The following ADH4 variants were observed in gnomAD, a reference collection of about 807,000 sequenced individuals.
ADH4 encodes the protein alcohol dehydrogenase 4 (class II), pi polypeptide.
ADH4 carries 31 observed loss-of-function variants against 35.2 expected under a neutral mutation model. The ratio of observed to expected loss-of-function variants is 0.88; its 90% confidence interval spans 0.66 to 1.19. ADH4 has a LOEUF of 1.19. Among genes scored for constraint, ADH4 ranks in the 50% most tolerant of loss-of-function variants. The pLI, the probability that ADH4 is intolerant of heterozygous loss-of-function variation, is 0.00. For missense variants in ADH4, 476 were observed against 458.3 expected (o/e 1.04, Z -0.35); for synonymous variants, 171 against 160.2 (o/e 1.07, Z -0.51).
At position 99,141,603 on chromosome 4, in the gene ADH4, A is replaced by G. The variant is rs572462879; in HGVS notation, c.200T>C (p.Val67Ala). ...CACAATACCTGCAGCCTCATGGCCA[A>G]CGATCACTGGGAAAGCTAGGCCCTC... is the stretch of plus-strand genomic sequence containing the variant. ...KFEGLAFPVI[V>A]GHEAAGIVES... The change falls in exon 3 of 9, where the codon GTT becomes GCT. Residue 67 changes from valine (V) to alanine (A), a missense_variant. Transcript: ENST00000265512. 26 of 1,614,164 alleles carry G rather than the reference A, an allele frequency of 1.6e-5. No homozygotes were observed. The highest frequency in any genetic ancestry group is 2.7e-5 in the African/African-American group (2 of 75,048).
At chr4:99,144,112 G>A (rs1729726035) in intron 1 of ADH4, 93 bp downstream of exon 1, 1 of 1,424,744 alleles carries the variant, frequency 7.0e-7, no homozygotes. Flanking sequence ...GTAAGTCACT[G>A]CTTCCTGAGT....
rs369669809 is a variant in ADH4, at chr4:99,126,581, A to G, written c.1118+13T>C. ...CGTTTTTTAAATCATTCAGTCATCT[A>G]TTAGTAATGTACCTTTTTCCTTGGT... On this transcript the variant is annotated intron_variant, in intron 8 of 8. Coordinates refer to ENST00000265512, the MANE Select transcript of ADH4 (RefSeq NM_000670.5). 115 of 1,584,988 alleles carry G rather than the reference A, an allele frequency of 7.3e-5. 1 individual carries two copies. The highest frequency in any genetic ancestry group is 8.2e-5 in the Non-Finnish European group (95 of 1,159,334).
chr4:99,133,108 C>T (rs1219693753), intron 5 of ADH4, among the ~76,000 whole-genome samples: 1 of 152,064 alleles, frequency 6.6e-6, no homozygotes, highest in Non-Finnish European at 1.5e-5. Flanking sequence ...GCATTTTTCC[C>T]ATTGCAGCAA....
Position 99,126,656 on chromosome 4 carries a change from C to T in ADH4, c.1056G>A (p.Val352=). 6.2e-7 allele frequency: 1 copy of T among 1,612,228 alleles called. No individual in the cohort carries two copies. The highest frequency in any genetic ancestry group is 1.3e-5 in the African/African-American group (1 of 75,020). ...KNKKFNLDAL[V]THTLPFDKIS... ...TTTTGTCAAAAGGCAGGGTATGGGT[C>T]ACCAGTGCATCCAGATTGAATTTCT... is the stretch of plus-strand genomic sequence containing the variant. Residue 352 remains valine (V), a synonymous_variant, in exon 8 of 9, where the codon GTG becomes GTA. Transcript: ENST00000265512.
intron 6 of ADH4, among the ~76,000 whole-genome samples, chr4:99,129,074 A>G (rs1182478147): frequency 6.6e-6 from 1 of 152,162 alleles, no homozygotes; most frequent in African/African-American, 2.4e-5. Flanking sequence ...TGCTGGAATT[A>G]CAGGCATGAC....
chr4:99,143,888 A>G (rs954933272), intron 1 of ADH4, among the ~76,000 whole-genome samples: 11 of 152,198 alleles, frequency 7.2e-5, no homozygotes, highest in Non-Finnish European at 1.5e-4. Context: ...TATACTGTGA[A>G]CATTTTCCCA....
chr4:99,124,028 C>T lies in ADH4; in HGVS notation c.*414G>A, dbSNP rs1269747631. On this transcript the variant is annotated 3_prime_UTR_variant, in exon 9 of 9. Coordinates refer to ENST00000265512, the MANE Select transcript of ADH4 (RefSeq NM_000670.5). The stretch of plus-strand genomic sequence containing the variant: ...TCCCCATCATGTGTCCATGTGTTCT[C>T]ATCATTTAGCTCCCAGAAAATTTTC... 5.4e-6 allele frequency: 1 copy of T among 184,704 alleles called. No individual in the cohort carries two copies. Among genetic ancestry groups the T allele is most frequent in the African/African-American group, 2.4e-5 (1 of 41,624 alleles). The allele number at this position is 184,704 out of a possible 1,614,324, so 11.4% of individuals were successfully genotyped here.
intron 1 of ADH4, chr4:99,143,461 G>T: frequency 1.4e-5 from 5 of 349,156 alleles, no homozygotes; most frequent in South Asian, 1.1e-4. Context: ...TAAATATTTA[G>T]GATTCTATAA....
intron 6 of ADH4, among the ~76,000 whole-genome samples, chr4:99,130,359 T>C (rs1729233884): frequency 6.6e-6 from 1 of 152,226 alleles, no homozygotes; most frequent in Admixed American, 6.5e-5. Context: ...AGTCAGGTCA[T>C]AGACTCCAGT....
At chr4:99,127,831 CAA>C (rs70955969) in intron 6 of ADH4, among the ~76,000 whole-genome samples, 1 of 125,884 alleles carries the variant, frequency 7.9e-6, no homozygotes, top group Admixed American at 8.1e-5. Flanking sequence ...GACTCTGTCT[CAA>C]AAAAAAAAAA....
chr4:99,127,217 A>T lies in ADH4; in HGVS notation c.971T>A (p.Phe324Tyr). The T allele has an allele frequency of 6.2e-7, 1 of 1,601,784 alleles. No homozygotes were observed. Among genetic ancestry groups the T allele is most frequent in the Non-Finnish European group, 8.5e-7 (1 of 1,175,832 alleles). Reference protein sequence around the residue: ...LIIGRTINGTFFGGWKSVDSI... With the variant: ...LIIGRTINGTYFGGWKSVDSI... ...AGAAAAAAAAAACTGACCACCAAAG[A>T]ATGTTCCATTTATAGTACGGCCGAT... The change falls in exon 7 of 9, where the codon TTC becomes TAC. Residue 324 changes from phenylalanine to tyrosine, a missense_variant. Phe to Tyr is a conservative substitution (Grantham distance 22). Transcript: ENST00000265512.
intron 1 of ADH4, chr4:99,143,362 CA>C: frequency 1.8e-6 from 1 of 558,352 alleles, no homozygotes; most frequent in South Asian, 2.5e-5. Flanking sequence ...ATGAGGCTTA[CA>C]TCATTATTAA....
rs1729671164 is a variant in ADH4 at position 99,142,758 on chromosome 4, ATGGCTGCTTTGCATTT to A, written c.25_40del (p.Lys9SerfsTer16). 6 of 1,603,426 alleles carry A rather than the reference ATGGCTGCTTTGCATTT, an allele frequency of 3.7e-6. No homozygotes were observed. The East Asian group carries it at 1.3e-4, about 36-fold the overall frequency. On this transcript the variant is annotated frameshift_variant, in exon 2 of 9. Transcript: ENST00000265512. LOFTEE classifies it high-confidence loss of function. Reference sequence around the variant, plus strand: ...AAGGGGCTTGCCTGCTTCCCAGGCGATGGCTGCTTTGCATTTAATAACCTGAAAGAGAGAAAGAAAA... The same window carrying A: ...AAGGGGCTTGCCTGCTTCCCAGGCGAAATAACCTGAAAGAGAGAAAGAAAA...
At chr4:99,125,670 T>G (rs2110488574) in intron 8 of ADH4, among the ~76,000 whole-genome samples, 1 of 152,324 alleles carries the variant, frequency 6.6e-6, no homozygotes, top group African/African-American at 2.4e-5. Context: ...AACTTCCTTC[T>G]GATATGTTGT....
At position 99,141,685 on chromosome 4, in the gene ADH4, A is replaced by G; in HGVS notation, c.121-3T>C. Reference sequence around the variant, plus strand: ...TGGCACAGAGAGGTAGCAATGATCTACAAGGCAATCACAGACTTTAATTGT... The same window carrying G: ...TGGCACAGAGAGGTAGCAATGATCTGCAAGGCAATCACAGACTTTAATTGT... On this transcript the variant is annotated splice_region_variant and splice_polypyrimidine_tract_variant and intron_variant, in intron 2 of 8. Coordinates refer to ENST00000265512, the MANE Select transcript of ADH4 (RefSeq NM_000670.5). The G allele has an allele frequency of 1.9e-6, 3 of 1,613,082 alleles. No individual in the cohort carries two copies. The highest frequency in any genetic ancestry group is 1.7e-5 in the Admixed American group (1 of 59,836).
rs1579408279 is a variant in ADH4 at position 99,144,237 on chromosome 4, CTG to C, written c.-17_-16del. On this transcript the variant is annotated 5_prime_UTR_variant, in exon 1 of 9. Transcript: ENST00000265512. ...TTGGTGCCCATTTTTCTTTGGGAAA[CTG>C]TGTTGGAAGTTTCTTTCTGAGTTAA... 6.2e-7 allele frequency: 1 copy of C among 1,613,052 alleles called. No individual in the cohort carries two copies. Among genetic ancestry groups the C allele is most frequent in the Non-Finnish European group, 8.5e-7 (1 of 1,179,068 alleles).
chr4:99,126,602 T>C lies in ADH4; in HGVS notation c.1110A>G (p.Gln370=). 6.2e-7 allele frequency: 1 copy of C among 1,605,886 alleles called. No homozygotes were observed. Among genetic ancestry groups the C allele is most frequent in the South Asian group, 1.1e-5 (1 of 90,182 alleles). ...ATCTATTAGTAATGTACCTTTTTCC[T>C]TGGTTCATTAGGTCAAATGCCTCAC... ...KISEAFDLMN[Q]GKSVRTILIF is the part of the protein sequence containing the mutation. The change falls in exon 8 of 9, where the codon CAA becomes CAG. Residue 370 remains glutamine (Q), a synonymous_variant. Transcript: ENST00000265512.
chr4:99,125,789 C>G (rs1264886493), intron 8 of ADH4, among the ~76,000 whole-genome samples: 1 of 152,208 alleles, frequency 6.6e-6, no homozygotes, highest in Non-Finnish European at 1.5e-5. Flanking sequence ...TCTTCTTCTT[C>G]TGCAACATTT....
chr4:99,135,146 C>T (rs1729396407), intron 5 of ADH4, among the ~76,000 whole-genome samples: 1 of 151,972 alleles, frequency 6.6e-6, no homozygotes, highest in Admixed American at 6.6e-5. Flanking sequence ...AGAATGAAGA[C>T]AGAGGCTGGT....
Sources: gnomAD v4.1 joint callset for allele counts (sites outside exome capture counted in the v4.1 genomes callset) on GRCh38, gnomAD v4.1.1 for gene constraint, MANE v1.5 for transcripts, NCBI Gene and HGNC (gene_info 2026-07-23, HGNC 2026-07-21) for gene names.